SPATA6L: variants seen among roughly 807,000 people sequenced by gnomAD.
The protein encoded by SPATA6L is spermatogenesis associated 6-like protein.
A neutral mutation model predicts 49.2 loss-of-function variants in SPATA6L; 68 were observed. That is an observed-to-expected ratio of 1.38 (90% CI 1.14 to 1.69). SPATA6L has a LOEUF of 1.69. Among genes scored for constraint, SPATA6L ranks in the 40% most tolerant of loss-of-function variants. The pLI is 0.00. For synonymous variants in SPATA6L, 198 were observed against 165.7 expected (o/e 1.19, Z -1.50); for missense variants, 668 against 464.3 (o/e 1.44, Z -4.03).
rs1822678785 is a variant in SPATA6L at position 4,599,261 on chromosome 9, G to C, written c.*1550C>G. Among the ~76,000 whole-genome samples, 2 of 152,168 alleles carry C rather than the reference G, an allele frequency of 1.3e-5. No homozygotes were observed. The highest frequency in any genetic ancestry group is 4.1e-4 in the South Asian group (2 of 4,832). ...AAGTTTTGGATTTTGGAGCATTTCA[G>C]ATTTCAGATTTTTAGATTGGGAGGT... On this transcript the variant is annotated 3_prime_UTR_variant, in exon 12 of 12. Transcript: ENST00000682582.
At chr9:4,619,329 T>C (rs1285627765) in intron 7 of SPATA6L, among the ~76,000 whole-genome samples, 4 of 151,946 alleles carry the variant, frequency 2.6e-5, no homozygotes, top group African/African-American at 9.7e-5. Context: ...GCCAATTTTT[T>C]GTATTTTTAG....
chr9:4,600,493 C>CAGGGAGAGAGAGAGAGAGAGAG lies in SPATA6L; in HGVS notation c.*317_*318insCTCTCTCTCTCTCTCTCTCCCT, dbSNP rs1822966406. 1.5e-5 allele frequency: 2 copies of CAGGGAGAGAGAGAGAGAGAGAG among 133,794 alleles called. No homozygotes were observed. Among genetic ancestry groups the CAGGGAGAGAGAGAGAGAGAGAG allele is most frequent in the Non-Finnish European group, 3.3e-5 (2 of 60,416 alleles). 8.3% of individuals were successfully genotyped at this position (133,794 alleles called of 1,614,324 possible). On this transcript the variant is annotated 3_prime_UTR_variant, in exon 12 of 12. Coordinates refer to ENST00000682582, the MANE Select transcript of SPATA6L (RefSeq NM_001353486.2). ...AGAGACAGAGAGAGCCAGAGAGAGC[C>CAGGGAGAGAGAGAGAGAGAGAG]AGAGAGAGAGAGAGGGGAAGTGTTC...
downstream of SPATA6L, among the ~76,000 whole-genome samples, chr9:4,598,119 G>A (rs1259316244): frequency 2.0e-5 from 3 of 152,024 alleles, no homozygotes; most frequent in Non-Finnish European, 2.9e-5. Context: ...GGTCAGTCAG[G>A]TGACCACAGA....
chr9:4,646,509 T>A, intron 3 of SPATA6L: 2 of 1,514,796 alleles, frequency 1.3e-6, no homozygotes, highest in African/African-American at 2.8e-5. Context: ...GCTGTATTAA[T>A]TCAAACCTGG....
chr9:4,590,012 C>T (rs1821803523), intron 13 of SPATA6L, among the ~76,000 whole-genome samples: 1 of 152,196 alleles, frequency 6.6e-6, no homozygotes, highest in African/African-American at 2.4e-5. Flanking sequence ...CAACCTCTGC[C>T]TCCTAGGTTC....
chr9:4,650,709 G>C (rs1344183420), intron 3 of SPATA6L, among the ~76,000 whole-genome samples: 3 of 152,124 alleles, frequency 2.0e-5, no homozygotes, highest in African/African-American at 7.2e-5. Context: ...GCCCAGGCTA[G>C]AGTGCAGTGG....
In SPATA6L at chr9:4,604,179, C is replaced by T. The variant is rs767383802; in HGVS notation, c.*1G>A. 1.2e-5 allele frequency: 20 copies of T among 1,604,698 alleles called. No homozygotes were observed. The South Asian group carries it at 2.1e-4, about 17-fold the overall frequency. The stretch of plus-strand genomic sequence containing the variant: ...GCTGCTTACTTACATAAGACAGTAC[C>T]TTAAAAATATCTCTGTTCATGCAGT... On this transcript the variant is annotated splice_region_variant and 3_prime_UTR_variant, in exon 11 of 12. Coordinates refer to ENST00000682582, the MANE Select transcript of SPATA6L (RefSeq NM_001353486.2).
Position 4,629,187 on chromosome 9 carries a change from A to G in SPATA6L, c.352-19T>C. 2 of 1,547,110 alleles carry G rather than the reference A, an allele frequency of 1.3e-6. No individual in the cohort carries two copies. Among genetic ancestry groups the G allele is most frequent in the Non-Finnish European group, 1.8e-6 (2 of 1,135,504 alleles). On this transcript the variant is annotated intron_variant, in intron 4 of 11. Transcript: ENST00000682582. ...CAATGCCCTATAAAACAGCATAAAAAAAGCAAATAAAATTACTAGAAACAG... is the reference window on the plus strand; with the variant it reads ...CAATGCCCTATAAAACAGCATAAAAGAAGCAAATAAAATTACTAGAAACAG...
intron 9 of SPATA6L, among the ~76,000 whole-genome samples, chr9:4,606,138 G>A (rs1364413747): frequency 5.9e-5 from 9 of 151,866 alleles, no homozygotes; most frequent in Admixed American, 2.6e-4. Context: ...CACCTGGCTC[G>A]GAGGGTCCTA....
chr9:4,643,560 A>G (rs1248749427), intron 3 of SPATA6L, among the ~76,000 whole-genome samples: 4 of 152,250 alleles, frequency 2.6e-5, no homozygotes, highest in Non-Finnish European at 4.4e-5. Flanking sequence ...CACCACCACT[A>G]TGGAAAAATA....
chr9:4,589,970 C>G (rs559556601), intron 13 of SPATA6L, among the ~76,000 whole-genome samples: 3 of 152,316 alleles, frequency 2.0e-5, no homozygotes, highest in Admixed American at 6.5e-5. Flanking sequence ...GTCACCGAGG[C>G]TGGAGTGCAG....
At chr9:4,644,391 A>T (rs1834813947) in intron 3 of SPATA6L, among the ~76,000 whole-genome samples, 6 of 151,612 alleles carry the variant, frequency 4.0e-5, no homozygotes, top group Non-Finnish European at 1.5e-5. Flanking sequence ...TTTAAACAAC[A>T]ATATAATGGT....
Position 4,662,188 on chromosome 9 carries a change from T to A in SPATA6L, c.40-152A>T, listed in dbSNP as rs1004857721. On this transcript the variant is annotated intron_variant, in intron 1 of 11. Coordinates refer to ENST00000682582, the MANE Select transcript of SPATA6L (RefSeq NM_001353486.2). The surrounding 1 kb of genome is among the most constrained non-coding windows in gnomAD (Gnocchi z 4.9). ...CCTGTACCTCCCAACGCCAACATCC[T>A]CCCCTCTGCTCTCCTCACATTGGAA... 5 of 1,439,516 alleles carry A rather than the reference T, an allele frequency of 3.5e-6. No individual in the cohort carries two copies. The African/African-American group carries it at 5.7e-5, about 17-fold the overall frequency. The allele number at this position is 1,439,516 out of a possible 1,614,324, so 89.2% of individuals were successfully genotyped here. A position where few individuals can be genotyped will look rare whatever the true frequency, so the allele number is the denominator to read the frequency against.
chr9:4,664,579 G>A (rs757595398), intron 1 of SPATA6L: 12 of 167,082 alleles, frequency 7.2e-5, no homozygotes, highest in South Asian at 2.1e-4. Context: ...CTTTGACCCA[G>A]AAAGACTGGA....
chr9:4,648,528 G>A (rs1315220521), intron 3 of SPATA6L, among the ~76,000 whole-genome samples: 10 of 151,732 alleles, frequency 6.6e-5, no homozygotes, highest in South Asian at 4.2e-4. Flanking sequence ...GTGAAACCCC[G>A]TCTCTACTAA....
intron 10 of SPATA6L, among the ~76,000 whole-genome samples, chr9:4,604,851 T>C (rs1053494497): frequency 6.6e-6 from 1 of 152,174 alleles, no homozygotes; most frequent in Non-Finnish European, 1.5e-5. Context: ...GTACTGGGAA[T>C]ACCTACCAAT....
At chr9:4,595,405 C>A (rs1249079866), downstream of SPATA6L, among the ~76,000 whole-genome samples, 3 of 152,098 alleles carry the variant, frequency 2.0e-5, no homozygotes, top group Non-Finnish European at 2.9e-5. Flanking sequence ...CAGAGTCTCC[C>A]CACCGCCAGC....
intron 3 of SPATA6L, among the ~76,000 whole-genome samples, chr9:4,644,615 C>A (rs906140946): frequency 6.7e-6 from 1 of 148,394 alleles, no homozygotes; most frequent in African/African-American, 2.5e-5. Context: ...AGCAGAAATG[C>A]GTAATAGCAG....
Position 4,618,117 on chromosome 9 carries a change from G to T in SPATA6L, c.808-7C>A. ...CATCTGGCTCTTTGATAACCTGAGT[G>T]ACAATATGCATTATTTAGTTGTAAT... On this transcript the variant is annotated splice_region_variant and splice_polypyrimidine_tract_variant and intron_variant, in intron 8 of 11. Transcript: ENST00000682582. 1 of 1,594,370 alleles carries T rather than the reference G, an allele frequency of 6.3e-7. No homozygotes were observed. The highest frequency in any genetic ancestry group is 2.3e-5 in the East Asian group (1 of 43,970).
Sources: allele counts gnomAD v4.1 joint callset (sites outside exome capture counted in the v4.1 genomes callset), GRCh38; gene constraint gnomAD v4.1.1; non-coding constraint Gnocchi (gnomAD v3.1); transcripts MANE v1.5; gene names NCBI Gene and HGNC (gene_info 2026-07-23, HGNC 2026-07-21).